Variants in RTTN observed in about 807,000 individuals in gnomAD.
RTTN encodes the protein rotatin.
In RTTN, 182 loss-of-function variants were observed where a neutral mutation model predicts 269.2. The ratio of observed to expected loss-of-function variants is 0.68; its 90% CI spans 0.60 to 0.76. The LOEUF is 0.76. RTTN is among the 30% of genes least tolerant of loss of function. The pLI is 0.00. For synonymous variants in RTTN, 1,006 were observed against 963.5 expected, an observed-to-expected ratio of 1.04 and a Z score of -0.82; for missense variants, 2,545 against 2,608.6, an observed-to-expected ratio of 0.98 and a Z score of 0.53.
intron 17 of RTTN, 132 bp downstream of exon 17, chr18:70,148,769 G>T (rs796844234): frequency 2.9e-6 from 3 of 1,041,004 alleles, no homozygotes; most frequent in South Asian, 2.9e-5. Flanking sequence ...TTCACGCATT[G>T]GTTTCCTCTA....
intron 43 of RTTN, among the ~76,000 whole-genome samples, chr18:70,027,880 T>G (rs754250400): frequency 2.6e-5 from 4 of 152,194 alleles, no homozygotes; most frequent in African/African-American, 4.8e-5. Context: ...GTGTTCAACA[T>G]GTCCATTTTC....
Position 70,069,096 on chromosome 18 carries a change from A to C in RTTN, c.4654-3174T>G, listed in dbSNP as rs557303751. On this transcript the variant is annotated intron_variant, in intron 34 of 48. Transcript: ENST00000640769. Reference sequence around the variant, plus strand: ...ATGTTCTGGGGATCTAATGTGTAGCATGGTGAATATGGTTAATATGGTCTA... The same window carrying C: ...ATGTTCTGGGGATCTAATGTGTAGCCTGGTGAATATGGTTAATATGGTCTA... Among the ~76,000 whole-genome samples, 4 of 152,268 alleles carry C rather than the reference A, an allele frequency of 2.6e-5. No homozygotes were observed. The South Asian group carries it at 8.3e-4, about 32-fold the overall frequency.
intron 23 of RTTN, among the ~76,000 whole-genome samples, chr18:70,132,250 A>G (rs921188416): frequency 3.9e-5 from 6 of 152,042 alleles, no homozygotes; most frequent in Admixed American, 2.0e-4. Context: ...ACACACATAT[A>G]ATAAAGTAGA....
intron 6 of RTTN, 74 bp from the exon 7 acceptor site, chr18:70,196,722 A>T (rs79879463): frequency 7.1e-7 from 1 of 1,404,684 alleles, no homozygotes; most frequent in African/African-American, 1.5e-5. Context: ...GTGGAGCTTA[A>T]GTAAGTAAGC....
At chr18:70,011,986 T>TTG (rs2056390742) in intron 46 of RTTN, among the ~76,000 whole-genome samples, 3 of 150,426 alleles carry the variant, frequency 2.0e-5, no homozygotes, top group South Asian at 2.1e-4. Flanking sequence ...TGGTATTGGT[T>TTG]AGAGGGCAGC....
rs139273352 is a variant in RTTN at position 70,120,916 on chromosome 18, T to G, written c.3528+640A>C. ...AAATACAAAAATTAGCTGGGCGTGG[T>G]GGCAGGCACCTGTAATCCCAGCTAC... is the stretch of plus-strand genomic sequence containing the variant. On this transcript the variant is annotated intron_variant, in intron 26 of 48. Transcript: ENST00000640769. 2.9e-3 allele frequency among the ~76,000 whole-genome samples: 436 copies of G among 152,136 alleles called. 1 individual carries two copies. Among genetic ancestry groups the G allele is most frequent in the African/African-American group, 9.7e-3 (404 of 41,498 alleles).
rs376325257 is a variant in RTTN, at chr18:70,059,867, G to C, written c.4923C>G (p.Leu1641=). Residue 1641 remains leucine (L), a synonymous_variant, in exon 36 of 49, where the codon CTC becomes CTG. Transcript: ENST00000640769. ...TCTCTTACCTACAGAGAAGTTCTATGAGATGAGCTTGTCGAAAAGCCTTTG... is the reference window on the plus strand; with the variant it reads ...TCTCTTACCTACAGAGAAGTTCTATCAGATGAGCTTGTCGAAAAGCCTTTG... ...DTAKAFRQAH[L]IELLCSIADA... 84 of 1,608,144 alleles carry C rather than the reference G, an allele frequency of 5.2e-5. No homozygotes were observed. The highest frequency in any genetic ancestry group is 7.0e-5 in the Non-Finnish European group (82 of 1,176,972).
intron 35 of RTTN, among the ~76,000 whole-genome samples, chr18:70,062,150 G>A (rs1320157660): frequency 6.6e-6 from 1 of 152,186 alleles, no homozygotes; most frequent in Non-Finnish European, 1.5e-5. Context: ...GAGAGTTACT[G>A]GGGTTACTTC....
chr18:70,157,568 T>C (rs138224931), intron 14 of RTTN, among the ~76,000 whole-genome samples: 11 of 152,318 alleles, frequency 7.2e-5, no homozygotes, highest in Non-Finnish European at 1.5e-4. Flanking sequence ...GAATGTCTTC[T>C]TATTTTCAAA....
Position 70,165,975 on chromosome 18 carries a change from A to C in RTTN, c.1929+87T>G, listed in dbSNP as rs79820873. The C allele has an allele frequency of 1.0e-3, 1,388 of 1,326,556 alleles. 14 individuals carry two copies. In the African/African-American group the frequency reaches 0.019, roughly 18 times the overall value. The allele number at this position is 1,326,556 out of a possible 1,614,324, so 82.2% of individuals were successfully genotyped here. ...ATATAGTTCTTATATCTCATACAAAAGGTCAAGTAAATTAAGTTTGAAGGT... is the reference window on the plus strand; with the variant it reads ...ATATAGTTCTTATATCTCATACAAACGGTCAAGTAAATTAAGTTTGAAGGT... On this transcript the variant is annotated intron_variant, in intron 14 of 48. Transcript: ENST00000640769.
At chr18:70,056,195 G>C (rs1215549567) in intron 37 of RTTN, among the ~76,000 whole-genome samples, 1 of 152,196 alleles carries the variant, frequency 6.6e-6, no homozygotes, top group Admixed American at 6.5e-5. Context: ...ATCTGGTAAA[G>C]CAGAGGCTCA....
At chr18:70,146,641 C>T (rs1420510770) in intron 17 of RTTN, among the ~76,000 whole-genome samples, 1 of 152,094 alleles carries the variant, frequency 6.6e-6, no homozygotes, top group African/African-American at 2.4e-5. Flanking sequence ...ACCTTGAGCC[C>T]CTGTATCATA....
In RTTN at chr18:70,059,999, A is replaced by G; in HGVS notation, c.4791T>C (p.Ser1597=). 1 of 1,613,884 alleles carries G rather than the reference A, an allele frequency of 6.2e-7. No individual in the cohort carries two copies. Among genetic ancestry groups the G allele is most frequent in the East Asian group, 2.2e-5 (1 of 44,874 alleles). ...STSPRPPHDS[S]LSAPLPKLCV... is the part of the protein sequence containing the mutation. ...ACAGTTTGGGCAGGGGAGCAGAAAG[A>G]GATGAATCATGAGGTGGCCGTGGTG... Residue 1597 remains serine, a synonymous_variant, in exon 36 of 49, where the codon TCT becomes TCC. Coordinates refer to ENST00000640769, the MANE Select transcript of RTTN (RefSeq NM_173630.4).
intron 46 of RTTN, among the ~76,000 whole-genome samples, chr18:70,013,273 T>C (rs1363854370): frequency 6.7e-6 from 1 of 149,842 alleles, no homozygotes; most frequent in African/African-American, 2.5e-5. Flanking sequence ...TGTTTTTAAA[T>C]GTTGTCTCAA....
At chr18:70,116,015 T>C (rs954849176) in intron 26 of RTTN, among the ~76,000 whole-genome samples, 3 of 152,030 alleles carry the variant, frequency 2.0e-5, no homozygotes, top group Admixed American at 6.6e-5. Flanking sequence ...TTAAGCAATA[T>C]ATGTCTTTGG....
At chr18:70,156,314 G>A (rs1012872857) in intron 14 of RTTN, among the ~76,000 whole-genome samples, 2 of 152,120 alleles carry the variant, frequency 1.3e-5, no homozygotes, top group Non-Finnish European at 2.9e-5. Flanking sequence ...GACTGTAGGG[G>A]TGAAATAAGC....
chr18:70,187,811 C>A (rs577160203), intron 10 of RTTN, among the ~76,000 whole-genome samples: 3 of 152,086 alleles, frequency 2.0e-5, no homozygotes, highest in African/African-American at 7.2e-5. Flanking sequence ...AATAAACTCA[C>A]GATCTTTAAA....
At position 70,186,411 on chromosome 18, in the gene RTTN, G is replaced by A. The variant is rs140528775; in HGVS notation, c.1305+1697C>T. Among the ~76,000 whole-genome samples, 7 of 152,286 alleles carry A rather than the reference G, an allele frequency of 4.6e-5. No homozygotes were observed. In the East Asian group the frequency reaches 5.8e-4, roughly 13 times the overall value. On this transcript the variant is annotated intron_variant, in intron 10 of 48. Transcript: ENST00000640769. ...CAGTTTGCTTAAAGTCACAGTTTCC[G>A]AAAACCTATCTATGATGCCAAGTGA...
chr18:70,150,045 C>T lies in RTTN; in HGVS notation c.2098G>A (p.Gly700Arg), dbSNP rs2145790901. 6.2e-7 allele frequency: 1 copy of T among 1,613,340 alleles called. No individual in the cohort carries two copies. Among genetic ancestry groups the T allele is most frequent in the South Asian group, 1.1e-5 (1 of 91,044 alleles). The change falls in exon 16 of 49, where the codon GGA becomes AGA. Residue 700 changes from glycine (G) to arginine (R), a missense_variant. Physicochemically the swap from Gly to Arg is moderately radical, Grantham distance 125 (BLOSUM62 -2). Transcript: ENST00000640769. ...GTCAATGCTGTCATCATCAATCGTC[C>T]CTGAAGCAGGTATAACAGAATGGCC... Reference protein sequence around the residue: ...AKAILLYLLQGRLMMTALTWN... With the variant: ...AKAILLYLLQRRLMMTALTWN...
Sources: gnomAD v4.1 joint callset for allele counts (sites outside exome capture counted in the v4.1 genomes callset) on GRCh38, gnomAD v4.1.1 for gene constraint, MANE v1.5 for transcripts, NCBI Gene and HGNC (gene_info 2026-07-23, HGNC 2026-07-21) for gene names.